The following CCDC171 variants were observed in gnomAD, a reference collection of about 807,000 sequenced individuals.
CCDC171 encodes coiled-coil domain containing 171, also known as coiled-coil domain-containing protein 171.
CCDC171 carries 177 observed loss-of-function variants against 168.2 expected under a neutral mutation model. That is an observed-to-expected ratio of 1.05 (90% CI 0.93 to 1.19). The LOEUF is 1.19. CCDC171 is among the 50% of genes most tolerant of loss of function. The probability of loss-of-function intolerance (pLI) is 0.00; values close to 1 mark genes in which losing one functional copy is unlikely to be tolerated. For missense variants in CCDC171, 1,991 were observed against 1,539.0 expected (o/e 1.29, Z -4.91); for synonymous variants, 687 against 540.8 (o/e 1.27, Z -3.75).
At chr9:15,708,690 G>GT (rs1341742810) in intron 11 of CCDC171, among the ~76,000 whole-genome samples, 1 of 152,060 alleles carries the variant, frequency 6.6e-6, no homozygotes, top group East Asian at 1.9e-4. Context: ...AAAAACATTG[G>GT]TAGCAGTTCA....
intron 11 of CCDC171, among the ~76,000 whole-genome samples, chr9:15,715,743 T>C (rs1265310578): frequency 6.6e-6 from 1 of 152,226 alleles, no homozygotes; most frequent in African/African-American, 2.4e-5. Flanking sequence ...ATGGAGAAGA[T>C]AGACTCCATT....
intron 18 of CCDC171, among the ~76,000 whole-genome samples, chr9:15,747,004 A>T (rs1193293444): frequency 6.6e-6 from 1 of 152,190 alleles, no homozygotes; most frequent in Non-Finnish European, 1.5e-5. Context: ...GCTAAAATCC[A>T]TTGGCTTGAA....
chr9:15,679,364 A>G (rs1468883297), intron 10 of CCDC171, among the ~76,000 whole-genome samples: 1 of 152,064 alleles, frequency 6.6e-6, no homozygotes, highest in South Asian at 2.1e-4. Context: ...ACCTCTCTTT[A>G]TTTAAAACTC....
chr9:15,716,882 G>C (rs530205025), intron 11 of CCDC171, among the ~76,000 whole-genome samples: 1 of 152,206 alleles, frequency 6.6e-6, no homozygotes, highest in East Asian at 1.9e-4. Context: ...TTTCCAACAC[G>C]TGAACTTTGG....
intron 8 of CCDC171, among the ~76,000 whole-genome samples, chr9:15,664,360 C>T (rs1185663775): frequency 6.6e-6 from 1 of 152,064 alleles, no homozygotes; most frequent in Admixed American, 6.5e-5. Flanking sequence ...GTGATCTGCC[C>T]GCCTCTGTCC....
At chr9:15,982,881 G>A (rs1243010210) in intron 3 of CCDC171, among the ~76,000 whole-genome samples, 2 of 152,186 alleles carry the variant, frequency 1.3e-5, no homozygotes, top group African/African-American at 2.4e-5. Flanking sequence ...GGGAGACCAA[G>A]GGGGACATGG....
intron 3 of CCDC171, among the ~76,000 whole-genome samples, chr9:15,989,629 G>C (rs191502927): frequency 6.6e-6 from 1 of 151,964 alleles, no homozygotes; most frequent in Non-Finnish European, 1.5e-5. Context: ...AAACTTCTCC[G>C]AGCTAAAGGA....
At chr9:15,656,185 G>A (rs1419452346) in intron 7 of CCDC171, among the ~76,000 whole-genome samples, 1 of 152,080 alleles carries the variant, frequency 6.6e-6, no homozygotes, top group African/African-American at 2.4e-5. Flanking sequence ...TGGGCGTGGT[G>A]GCCGGTACGT....
In CCDC171 at chr9:15,576,800, C is replaced by A. The variant is rs561182934; in HGVS notation, c.178-2049C>A. Among the ~76,000 whole-genome samples the A allele has an allele frequency of 2.1e-4, 32 of 152,176 alleles. 1 individual carries two copies. Among genetic ancestry groups the A allele is most frequent in the Non-Finnish European group, 4.3e-4 (29 of 68,024 alleles). On this transcript the variant is annotated intron_variant, in intron 3 of 25. Coordinates refer to ENST00000380701, the MANE Select transcript of CCDC171 (RefSeq NM_173550.4). ...GTTCTTCTGCTATATAAGCTATTTC[C>A]TCCTGGAGCAGACTGCATTTTTCCT...
chr9:15,873,058 A>G (rs1477219933), intron 23 of CCDC171, among the ~76,000 whole-genome samples: 1 of 152,040 alleles, frequency 6.6e-6, no homozygotes, highest in African/African-American at 2.4e-5. Flanking sequence ...TAAAAATTAC[A>G]TCATAGTGTA....
At chr9:15,648,613 C>G (rs2047239212) in intron 7 of CCDC171, among the ~76,000 whole-genome samples, 1 of 152,104 alleles carries the variant, frequency 6.6e-6, no homozygotes, top group Admixed American at 6.5e-5. Flanking sequence ...AACAGAGAAG[C>G]AGAGAGCCAA....
chr9:15,924,195 T>C (rs41341252), intron 25 of CCDC171, among the ~76,000 whole-genome samples: 2,710 of 151,600 alleles, frequency 0.018, 95 homozygotes, highest in African/African-American at 0.063. Context: ...CACACATAGC[T>C]GAAATAAGTT....
In CCDC171 at chr9:15,570,116, T is replaced by C. The variant is rs188064851; in HGVS notation, c.42-1508T>C. 9.9e-4 allele frequency among the ~76,000 whole-genome samples: 151 copies of C among 152,096 alleles called. 1 individual carries two copies. The highest frequency in any genetic ancestry group is 3.4e-3 in the African/African-American group (140 of 41,520). ...TCCCAAGTAGCTGGGATTACAAGCA[T>C]GAGCCACCACATCCAGCTAATTTTT... On this transcript the variant is annotated intron_variant, in intron 2 of 25. Coordinates refer to ENST00000380701, the MANE Select transcript of CCDC171 (RefSeq NM_173550.4).
chr9:15,698,119 A>G (rs2051360247), intron 11 of CCDC171, among the ~76,000 whole-genome samples: 1 of 152,166 alleles, frequency 6.6e-6, no homozygotes, highest in Admixed American at 6.5e-5. Context: ...CTATATGTTT[A>G]TACCCATTAA....
chr9:15,632,592 C>G (rs888615170), intron 7 of CCDC171, among the ~76,000 whole-genome samples: 2 of 152,140 alleles, frequency 1.3e-5, no homozygotes. Context: ...AATGGCCATA[C>G]TCCCCAAGGT....
At chr9:16,056,957 A>G (rs1191696475) in intron 1 of CCDC171, among the ~76,000 whole-genome samples, 1 of 152,260 alleles carries the variant, frequency 6.6e-6, no homozygotes, top group Non-Finnish European at 1.5e-5. Flanking sequence ...ATGTAGACAC[A>G]GCAGAAGTAT....
chr9:15,679,176 T>C (rs1433998679), intron 10 of CCDC171, among the ~76,000 whole-genome samples: 1 of 152,168 alleles, frequency 6.6e-6, no homozygotes, highest in African/African-American at 2.4e-5. Flanking sequence ...TTATCGTGCA[T>C]AAAACAGTAT....
At chr9:15,763,189 G>T (rs1164498466) in intron 18 of CCDC171, among the ~76,000 whole-genome samples, 2 of 152,218 alleles carry the variant, frequency 1.3e-5, no homozygotes, top group Admixed American at 6.5e-5. Flanking sequence ...CTCCAAATGC[G>T]AAGCTTCTGT....
At chr9:15,568,876 G>C (rs2039971191) in intron 2 of CCDC171, among the ~76,000 whole-genome samples, 1 of 151,022 alleles carries the variant, frequency 6.6e-6, no homozygotes, top group African/African-American at 2.4e-5. Context: ...AGTTTCTTTT[G>C]CCACGAAGAA....
Sources: allele counts gnomAD v4.1 joint callset (sites outside exome capture counted in the v4.1 genomes callset), GRCh38; gene constraint gnomAD v4.1.1; transcripts MANE v1.5; gene names NCBI Gene and HGNC (gene_info 2026-07-23, HGNC 2026-07-21).